CIT: variants seen among roughly 807,000 people sequenced by gnomAD.
CIT encodes citron rho-interacting serine/threonine kinase.
Under a neutral mutation model 272.7 loss-of-function variants are expected in CIT, and 79 were observed. The ratio of observed to expected loss-of-function variants is 0.29; its 90% CI spans 0.24 to 0.35. The LOEUF (loss-of-function observed/expected upper bound fraction) is 0.35. CIT is among the 10% of genes least tolerant of loss of function. CIT has a pLI of 1.00. For synonymous variants in CIT, 948 were observed against 995.6 expected, an observed-to-expected ratio of 0.95 and a Z score of 0.90; for missense variants, 1,909 against 2,618.3, an observed-to-expected ratio of 0.73 and a Z score of 5.91.
chr12:119,720,360 A>G (rs1316284213), intron 30 of CIT, 118 bp downstream of exon 30: 1 of 710,416 alleles, frequency 1.4e-6, no homozygotes, highest in East Asian at 3.1e-5. Context: ...TAAAACAACA[A>G]AAAAAGTATA....
At position 119,712,701 on chromosome 12, in the gene CIT, T is replaced by G; in HGVS notation, c.4580-6A>C. On this transcript the variant is annotated splice_polypyrimidine_tract_variant and splice_region_variant and intron_variant, in intron 35 of 47. Coordinates refer to ENST00000392521, the MANE Select transcript of CIT (RefSeq NM_001206999.2). This position sits in a 1 kb window ranked among gnomAD's most constrained non-coding sequence, Gnocchi z 5.2. ...TTCCACCGGCCTCTGTCCAGCTTGG[T>G]GCAAAGAGGAAGGGCAGAAAGAAAA... is the stretch of plus-strand genomic sequence containing the variant. 13 of 1,612,334 alleles carry G rather than the reference T, an allele frequency of 8.1e-6. No homozygotes were observed. The highest frequency in any genetic ancestry group is 1.1e-5 in the Non-Finnish European group (13 of 1,178,792).
At chr12:119,688,380 T>C in intron 47 of CIT, 125 bp from the exon 48 acceptor site, 1 of 950,090 alleles carries the variant, frequency 1.1e-6, no homozygotes. Flanking sequence ...CAGTGAGTGC[T>C]TGGCAGGGCA....
At position 119,757,473 on chromosome 12, in the gene CIT, C is replaced by T. The variant is rs1194912910; in HGVS notation, c.2604G>A (p.Leu868=). The T allele has an allele frequency of 6.2e-7, 1 of 1,614,192 alleles. No homozygotes were observed. The highest frequency in any genetic ancestry group is 1.1e-5 in the South Asian group (1 of 91,064). The part of the protein sequence containing the change: ...KFYLETQAGK[L]EAQNRKLEEQ... ...CCTCCAGTTTTCGGTTCTGGGCCTCCAACTTCCCAGCCTGTGTCTCCAGGT... is the reference window on the plus strand; with the variant it reads ...CCTCCAGTTTTCGGTTCTGGGCCTCTAACTTCCCAGCCTGTGTCTCCAGGT... Residue 868 remains leucine, a synonymous_variant, in exon 22 of 48, where the codon TTG becomes TTA. Transcript: ENST00000392521.
chr12:119,855,306 C>A (rs1463148423), intron 4 of CIT, among the ~76,000 whole-genome samples: 1 of 151,974 alleles, frequency 6.6e-6, no homozygotes, highest in Non-Finnish European at 1.5e-5. Context: ...GCCTGTAGTC[C>A]CAGCTACTCG....
At chr12:119,775,709 G>C in intron 16 of CIT, 77 bp downstream of exon 16, 1 of 1,120,750 alleles carries the variant, frequency 8.9e-7, no homozygotes. Context: ...TTCATCTTTC[G>C]TGCTCTGGGA....
intron 22 of CIT, 133 bp from the exon 23 acceptor site, chr12:119,752,380 AGAG>A (rs1262458109): frequency 1.7e-5 from 13 of 772,920 alleles, no homozygotes; most frequent in Admixed American, 1.2e-4. Context: ...GGCACTCGAT[AGAG>A]GAGAGGAAAA....
At chr12:119,834,021 T>A in intron 6 of CIT, 65 bp downstream of exon 6, 1 of 1,480,732 alleles carries the variant, frequency 6.8e-7, no homozygotes, top group African/African-American at 1.4e-5. Context: ...CTCATTTCCA[T>A]GCAGGAACTC....
At chr12:119,779,520 T>G (rs369493926) in intron 13 of CIT, among the ~76,000 whole-genome samples, 1 of 152,194 alleles carries the variant, frequency 6.6e-6, no homozygotes, top group African/African-American at 2.4e-5. Context: ...AGTAAAGTGG[T>G]CCCTAGATAC....
At position 119,876,062 on chromosome 12, in the gene CIT, T is replaced by C. The variant is rs1369555109; in HGVS notation, c.96+11A>G. The C allele has an allele frequency of 1.3e-6, 2 of 1,592,998 alleles. No homozygotes were observed. The highest frequency in any genetic ancestry group is 2.2e-5 in the East Asian group (1 of 44,714). On this transcript the variant is annotated intron_variant, in intron 2 of 47. Coordinates refer to ENST00000392521, the MANE Select transcript of CIT (RefSeq NM_001206999.2). ...ACACAGGTGAGCAAAGTTGGCAGGGTAGGCTGTTACCTGGAAGAACAGATT... is the reference window on the plus strand; with the variant it reads ...ACACAGGTGAGCAAAGTTGGCAGGGCAGGCTGTTACCTGGAAGAACAGATT...
In CIT at chr12:119,713,429, C is replaced by T. The variant is rs772077336; in HGVS notation, c.4487+39G>A. 6.3e-7 allele frequency: 1 copy of T among 1,599,372 alleles called. No individual in the cohort carries two copies. Among genetic ancestry groups the T allele is most frequent in the Non-Finnish European group, 8.5e-7 (1 of 1,172,556 alleles). On this transcript the variant is annotated intron_variant, in intron 34 of 47. Transcript: ENST00000392521. The surrounding 1 kb of genome is among the most constrained non-coding windows in gnomAD (Gnocchi z 5.2). Reference sequence around the variant, plus strand: ...AACATCAGGGACAGAGTGGCTTGTGCCAGCACCTGCTCCAGCCCAAGCCAC... The same window carrying T: ...AACATCAGGGACAGAGTGGCTTGTGTCAGCACCTGCTCCAGCCCAAGCCAC...
At chr12:119,824,128 A>G (rs1323600109) in intron 8 of CIT, among the ~76,000 whole-genome samples, 3 of 146,864 alleles carry the variant, frequency 2.0e-5, no homozygotes, top group Non-Finnish European at 4.5e-5. Context: ...ATATATATAT[A>G]TATATATATA....
chr12:119,688,504 A>G (rs999687875), intron 47 of CIT, among the ~76,000 whole-genome samples: 1 of 152,256 alleles, frequency 6.6e-6, no homozygotes, highest in Non-Finnish European at 1.5e-5. Flanking sequence ...GCACATACAC[A>G]GTTTCATCGG....
intron 3 of CIT, among the ~76,000 whole-genome samples, chr12:119,864,687 A>G (rs1420948982): frequency 1.3e-5 from 2 of 152,218 alleles, no homozygotes; most frequent in African/African-American, 4.8e-5. Context: ...AAATTATCTG[A>G]TACTGTGCTT....
chr12:119,713,670 C>A lies in CIT; in HGVS notation c.4307-22G>T, dbSNP rs1348297599. 2.5e-6 allele frequency: 4 copies of A among 1,613,020 alleles called. No homozygotes were observed. Among genetic ancestry groups the A allele is most frequent in the Admixed American group, 1.7e-5 (1 of 60,028 alleles). On this transcript the variant is annotated intron_variant, in intron 33 of 47. Coordinates refer to ENST00000392521, the MANE Select transcript of CIT (RefSeq NM_001206999.2). The surrounding 1 kb of genome is among the most constrained non-coding windows in gnomAD (Gnocchi z 5.2). Reference sequence around the variant, plus strand: ...CATTCTAGGGAAGAACAGTGAGCAACCTGAGGGCATGCTCAGCTGACCCTG... The same window carrying A: ...CATTCTAGGGAAGAACAGTGAGCAAACTGAGGGCATGCTCAGCTGACCCTG...
Position 119,734,208 on chromosome 12 carries a change from C to T in CIT, c.3306G>A (p.Arg1102=), listed in dbSNP as rs768920012. ...LGDEKSQFEC[R]VRELQRMLDT... Reference sequence around the variant, plus strand: ...CCAGCATTCTCTGCAGCTCTCGAACCCGACACTCAAACTGGGATTTCTCAT... The same window carrying T: ...CCAGCATTCTCTGCAGCTCTCGAACTCGACACTCAAACTGGGATTTCTCAT... The change falls in exon 26 of 48, where the codon CGG becomes CGA. Residue 1102 remains arginine, a synonymous_variant. Coordinates refer to ENST00000392521, the MANE Select transcript of CIT (RefSeq NM_001206999.2). The T allele has an allele frequency of 6.2e-7, 1 of 1,613,718 alleles. No homozygotes were observed. The highest frequency in any genetic ancestry group is 1.7e-5 in the Admixed American group (1 of 59,972).
intron 3 of CIT, among the ~76,000 whole-genome samples, chr12:119,866,169 A>G (rs1377658191): frequency 2.0e-5 from 3 of 152,104 alleles, no homozygotes; most frequent in African/African-American, 7.2e-5. Context: ...TAATCTAGAT[A>G]AGGGAAGATT....
intron 5 of CIT, among the ~76,000 whole-genome samples, chr12:119,848,663 C>G (rs1344362060): frequency 1.3e-5 from 2 of 152,168 alleles, no homozygotes; most frequent in African/African-American, 2.4e-5. Flanking sequence ...CAACAGCAAG[C>G]TGGAGAGCCA....
chr12:119,758,623 T>C lies in CIT; in HGVS notation c.2499A>G (p.Ala833=), dbSNP rs1565998773. ...TTTGGGTAAAAAGACTGCTATTTGC[T>C]GCAAGTTTATTGGCTTCAGACAGTT... ...IVELSEANKL[A]ANSSLFTQRN... The change falls in exon 21 of 48, where the codon GCA becomes GCG. Residue 833 remains alanine, a synonymous_variant. Coordinates refer to ENST00000392521, the MANE Select transcript of CIT (RefSeq NM_001206999.2). 5 of 1,613,356 alleles carry C rather than the reference T, an allele frequency of 3.1e-6. No homozygotes were observed. The highest frequency in any genetic ancestry group is 1.7e-6 in the Non-Finnish European group (2 of 1,179,366).
At chr12:119,691,077 C>T (rs1955919712) in intron 46 of CIT, among the ~76,000 whole-genome samples, 2 of 147,256 alleles carry the variant, frequency 1.4e-5, no homozygotes. Context: ...GAGGCTGAGG[C>T]AGGAGAATTG....
Sources: gnomAD v4.1 joint callset for allele counts (sites outside exome capture counted in the v4.1 genomes callset) on GRCh38, gnomAD v4.1.1 for gene constraint, Gnocchi (gnomAD v3.1) non-coding constraint, MANE v1.5 for transcripts, NCBI Gene and HGNC (gene_info 2026-07-23, HGNC 2026-07-21) for gene names.